APPBP2: variants seen among roughly 807,000 people sequenced by gnomAD.
The protein encoded by APPBP2 is amyloid beta precursor protein binding protein 2, also known as amyloid protein-binding protein 2.
Under a neutral mutation model 76.0 loss-of-function variants are expected in APPBP2, and 15 were observed. The ratio of observed to expected loss-of-function variants is 0.20; its 90% CI spans 0.13 to 0.30. The LOEUF is 0.30. Among genes scored for constraint, APPBP2 ranks in the 10% least tolerant of loss-of-function variants. The probability of loss-of-function intolerance (pLI) is 1.00; values close to 1 mark genes in which losing one functional copy is unlikely to be tolerated. For synonymous variants in APPBP2, 222 were observed against 242.2 expected (o/e 0.92, Z 0.77); for missense variants, 401 against 687.2 (o/e 0.58, Z 4.66).
chr17:60,478,572 T>A (rs1460442120), intron 4 of APPBP2, among the ~76,000 whole-genome samples: 3 of 152,194 alleles, frequency 2.0e-5, no homozygotes, highest in African/African-American at 7.2e-5. Context: ...ATTCAATAAA[T>A]ATTTGTTGAA....
At chr17:60,459,176 G>T (rs909965610) in intron 9 of APPBP2, among the ~76,000 whole-genome samples, 1 of 152,026 alleles carries the variant, frequency 6.6e-6, no homozygotes, top group Non-Finnish European at 1.5e-5. Flanking sequence ...TTAATGGTGA[G>T]TTCATTTTAG....
chr17:60,448,196 A>C (rs1479650100), intron 12 of APPBP2, among the ~76,000 whole-genome samples: 1 of 152,214 alleles, frequency 6.6e-6, no homozygotes, highest in Non-Finnish European at 1.5e-5. Flanking sequence ...TAATCCCAGC[A>C]CTTTGGGAGG....
chr17:60,483,639 C>T (rs539448381), intron 3 of APPBP2, among the ~76,000 whole-genome samples: 11 of 152,218 alleles, frequency 7.2e-5, no homozygotes, highest in Admixed American at 3.9e-4. Context: ...GTGATCCGCT[C>T]GCCTCGGCCT....
At chr17:60,515,421 T>A (rs1206679092) in intron 1 of APPBP2, among the ~76,000 whole-genome samples, 2 of 152,184 alleles carry the variant, frequency 1.3e-5, no homozygotes, top group Non-Finnish European at 1.5e-5. Context: ...CAGCCTATTT[T>A]AACATTTTTA....
At chr17:60,454,668 G>A (rs1176596920) in intron 10 of APPBP2, among the ~76,000 whole-genome samples, 176 bp from the exon 11 acceptor site, 1 of 152,110 alleles carries the variant, frequency 6.6e-6, no homozygotes, top group Non-Finnish European at 1.5e-5. Context: ...ACACTTTTTG[G>A]TGGTCATTCT....
intron 10 of APPBP2, among the ~76,000 whole-genome samples, chr17:60,455,214 GTAATA>G (rs1285605608): frequency 6.6e-6 from 1 of 152,034 alleles, no homozygotes; most frequent in Non-Finnish European, 1.5e-5. Flanking sequence ...ATGAAAAAAT[GTAATA>G]TATTAAGTGA....
chr17:60,489,760 G>A (rs527465676), intron 3 of APPBP2, among the ~76,000 whole-genome samples: 26 of 152,304 alleles, frequency 1.7e-4, no homozygotes, highest in African/African-American at 6.0e-4. Context: ...GTAGGGCTGG[G>A]TGCAGTGGCT....
At position 60,445,849 on chromosome 17, in the gene APPBP2, C is replaced by T. The variant is rs2143265914; in HGVS notation, c.*1732G>A. On this transcript the variant is annotated 3_prime_UTR_variant, in exon 13 of 13. Coordinates refer to ENST00000083182, the MANE Select transcript of APPBP2 (RefSeq NM_006380.5). ...ACCATCTTAGGGTGTGGGTTTGCTTCATCTCTTTCAGTACATCCCCCAACC... is the reference window on the plus strand; with the variant it reads ...ACCATCTTAGGGTGTGGGTTTGCTTTATCTCTTTCAGTACATCCCCCAACC... 6.6e-6 allele frequency: 1 copy of T among 152,330 alleles called. No homozygotes were observed. Among genetic ancestry groups the T allele is most frequent in the Non-Finnish European group, 1.5e-5 (1 of 68,094 alleles). 9.4% of individuals were successfully genotyped at this position (152,330 alleles called of 1,614,324 possible).
chr17:60,479,032 T>C, intron 4 of APPBP2, 116 bp downstream of exon 4: 6 of 1,023,150 alleles, frequency 5.9e-6, no homozygotes, highest in East Asian at 2.7e-5. Context: ...AACTATGACA[T>C]ATAAATATCA....
At chr17:60,452,485 C>T (rs1325619293) in intron 11 of APPBP2, among the ~76,000 whole-genome samples, 1 of 152,172 alleles carries the variant, frequency 6.6e-6, no homozygotes, top group African/African-American at 2.4e-5. Context: ...CATGGGCATA[C>T]ACTTTCATTT....
intron 9 of APPBP2, 48 bp from the exon 10 acceptor site, chr17:60,456,429 G>C (rs1172853108): frequency 8.2e-7 from 1 of 1,219,986 alleles, no homozygotes; most frequent in Non-Finnish European, 1.2e-6. Context: ...AGTTACAAAT[G>C]ATTTAGGAAT....
intron 12 of APPBP2, among the ~76,000 whole-genome samples, chr17:60,448,821 T>C (rs1435162441): frequency 6.6e-6 from 1 of 152,198 alleles, no homozygotes; most frequent in Admixed American, 6.5e-5. Context: ...ATGAGACTGG[T>C]TATCCATAGT....
intron 4 of APPBP2, among the ~76,000 whole-genome samples, chr17:60,475,578 T>C (rs568975685): frequency 6.6e-6 from 1 of 152,082 alleles, no homozygotes; most frequent in East Asian, 1.9e-4. Context: ...GCTTCTAATT[T>C]CTATTTATCT....
rs1296226619 is a variant in APPBP2 at position 60,445,254 on chromosome 17, A to C, written c.*2327T>G. 2 of 152,558 alleles carry C rather than the reference A, an allele frequency of 1.3e-5. No homozygotes were observed. Among genetic ancestry groups the C allele is most frequent in the African/African-American group, 4.8e-5 (2 of 41,428 alleles). The allele number at this position is 152,558 out of a possible 1,614,324, so 9.5% of individuals were successfully genotyped here. A position where few individuals can be genotyped will look rare whatever the true frequency, so the allele number is the denominator to read the frequency against. ...GAGAAACTGCCAATAATGATGTTTCAAAAAAACACAACTGGCTGCCAATTG... is the reference window on the plus strand; with the variant it reads ...GAGAAACTGCCAATAATGATGTTTCCAAAAAACACAACTGGCTGCCAATTG... On this transcript the variant is annotated 3_prime_UTR_variant, in exon 13 of 13. Coordinates refer to ENST00000083182, the MANE Select transcript of APPBP2 (RefSeq NM_006380.5).
intron 8 of APPBP2, chr17:60,461,237 T>C (rs1311629272): frequency 1.3e-5 from 2 of 153,856 alleles, no homozygotes; most frequent in African/African-American, 4.8e-5. Flanking sequence ...TAGCCGGGCA[T>C]TGTGGCACGG....
intron 4 of APPBP2, among the ~76,000 whole-genome samples, chr17:60,475,285 C>T (rs531654683): frequency 6.6e-6 from 1 of 152,136 alleles, no homozygotes; most frequent in East Asian, 1.9e-4. Flanking sequence ...CATGACATAA[C>T]ATAACATGAT....
At chr17:60,509,696 G>T (rs1461882940) in intron 1 of APPBP2, among the ~76,000 whole-genome samples, 1 of 152,172 alleles carries the variant, frequency 6.6e-6, no homozygotes, top group Non-Finnish European at 1.5e-5. Flanking sequence ...CAGCTACCCG[G>T]GGGGCTGAGG....
intron 8 of APPBP2, chr17:60,461,308 G>C (rs1046359209): frequency 2.0e-5 from 3 of 153,740 alleles, no homozygotes; most frequent in African/African-American, 7.2e-5. Context: ...TTGGGAGGCA[G>C]AGGTTGCAGT....
At chr17:60,480,155 A>G (rs1158165928) in intron 3 of APPBP2, among the ~76,000 whole-genome samples, 1 of 152,166 alleles carries the variant, frequency 6.6e-6, no homozygotes, top group African/African-American at 2.4e-5. Context: ...ACATTAAAAA[A>G]TCTCTGAAAT....
Sources: gnomAD v4.1 joint callset for allele counts (sites outside exome capture counted in the v4.1 genomes callset) on GRCh38, gnomAD v4.1.1 for gene constraint, MANE v1.5 for transcripts, NCBI Gene and HGNC (gene_info 2026-07-23, HGNC 2026-07-21) for gene names.